Variants in WDR37 observed in about 807,000 individuals in gnomAD.
WDR37 encodes the protein WD repeat domain 37.
In WDR37, 19 loss-of-function variants were observed where a neutral mutation model predicts 62.9. The observed-to-expected ratio is 0.30, with a 90% CI of 0.21 to 0.44. The LOEUF (loss-of-function observed/expected upper bound fraction) is 0.44, where lower values mean the gene tolerates loss of function less well. Ranked by LOEUF, WDR37 falls within the 20% of genes least tolerant of loss-of-function variation. The pLI is 1.00. For synonymous variants in WDR37, 250 were observed against 260.9 expected (o/e 0.96, Z 0.40); for missense variants, 474 against 657.6 (o/e 0.72, Z 3.05).
chr10:1,105,156 C>T lies in WDR37; in HGVS notation c.992C>T (p.Thr331Ile). Residue 331 changes from threonine (T) to isoleucine (I), a missense_variant, in exon 11 of 14, where the codon ACA becomes ATA. Physicochemically the swap from Thr to Ile is moderately conservative, Grantham distance 89. Coordinates refer to ENST00000263150, the MANE Select transcript of WDR37 (RefSeq NM_014023.4). The surrounding 1 kb of genome is among the most constrained non-coding windows in gnomAD (Gnocchi z 5.3). ...GHDQELTHCC[T>I]HPTQRLVVTS... ...GACCAGGAGTTGACGCACTGCTGCACACACCCCACCCAGCGGCTCGTGGTG... is the reference window on the plus strand; with the variant it reads ...GACCAGGAGTTGACGCACTGCTGCATACACCCCACCCAGCGGCTCGTGGTG... The T allele has an allele frequency of 1.2e-6, 2 of 1,614,162 alleles. No homozygotes were observed. Among genetic ancestry groups the T allele is most frequent in the Non-Finnish European group, 1.7e-6 (2 of 1,180,026 alleles).
chr10:1,123,450 A>G (rs982734286), intron 11 of WDR37, among the ~76,000 whole-genome samples: 2 of 152,204 alleles, frequency 1.3e-5, no homozygotes, highest in African/African-American at 4.8e-5. Flanking sequence ...CCTCTGTTCT[A>G]CTTCCTGTTT....
At chr10:1,088,121 A>G (rs895582861) in intron 7 of WDR37, among the ~76,000 whole-genome samples, 2 of 152,142 alleles carry the variant, frequency 1.3e-5, no homozygotes, top group Non-Finnish European at 2.9e-5. Context: ...GGGAATTGAG[A>G]GTCAGGGCCC....
chr10:1,126,388 A>T (rs1257172620), intron 13 of WDR37, among the ~76,000 whole-genome samples: 2 of 147,150 alleles, frequency 1.4e-5, no homozygotes, highest in African/African-American at 2.6e-5. Flanking sequence ...CCTGGGCGAC[A>T]GAGCGAGACT....
chr10:1,123,609 A>C (rs1370984606), intron 11 of WDR37, among the ~76,000 whole-genome samples: 5 of 152,230 alleles, frequency 3.3e-5, no homozygotes, highest in Non-Finnish European at 2.9e-5. Context: ...GCTGATGGAC[A>C]TGTGGGTTGT....
chr10:1,105,033 G>A lies in WDR37; in HGVS notation c.962-93G>A. The A allele has an allele frequency of 6.7e-7, 1 of 1,499,902 alleles. No homozygotes were observed. The highest frequency in any genetic ancestry group is 9.0e-7 in the Non-Finnish European group (1 of 1,105,140). 92.9% of individuals were successfully genotyped at this position (1,499,902 alleles called of 1,614,324 possible). A position where few individuals can be genotyped will look rare whatever the true frequency, so the allele number is the denominator to read the frequency against. On this transcript the variant is annotated intron_variant, in intron 10 of 13. Transcript: ENST00000263150. This position sits in a 1 kb window ranked among gnomAD's most constrained non-coding sequence, Gnocchi z 5.3. ...ATTAGGTCAGGTTCACAGTCTCAGA[G>A]AGACGGCTTCTTGGGTTCTTGTGCT...
chr10:1,101,350 A>T (rs1041874692), intron 9 of WDR37, among the ~76,000 whole-genome samples: 1 of 152,136 alleles, frequency 6.6e-6, no homozygotes, highest in African/African-American at 2.4e-5. Flanking sequence ...TGGCTCATAG[A>T]TGGCGTCTTC....
chr10:1,096,885 G>A (rs989204532), intron 9 of WDR37, among the ~76,000 whole-genome samples: 9 of 152,186 alleles, frequency 5.9e-5, no homozygotes, highest in Non-Finnish European at 7.3e-5. Flanking sequence ...GGGAGAGCTG[G>A]AGAGAAAGCT....
intron 9 of WDR37, among the ~76,000 whole-genome samples, chr10:1,097,859 A>G (rs1022875258): frequency 6.6e-6 from 1 of 152,176 alleles, no homozygotes; most frequent in Non-Finnish European, 1.5e-5. Context: ...TTTTGGGAAC[A>G]TGTAACTTGT....
chr10:1,101,370 C>G (rs1463797632), intron 9 of WDR37, among the ~76,000 whole-genome samples: 1 of 152,220 alleles, frequency 6.6e-6, no homozygotes, highest in African/African-American at 2.4e-5. Context: ...CTCCTGGATC[C>G]TTCATCCCTC....
intron 1 of WDR37, among the ~76,000 whole-genome samples, chr10:1,058,860 C>A (rs966521204): frequency 1.3e-5 from 2 of 152,202 alleles, no homozygotes; most frequent in South Asian, 4.1e-4. Flanking sequence ...GGTGGAAATT[C>A]CATCACATTT....
chr10:1,107,120 G>A (rs1331782295), intron 11 of WDR37, among the ~76,000 whole-genome samples: 1 of 152,244 alleles, frequency 6.6e-6, no homozygotes, highest in Non-Finnish European at 1.5e-5. Flanking sequence ...CATGAGCTCC[G>A]CCACATGGGC....
chr10:1,118,825 C>G (rs1835484060), intron 11 of WDR37, among the ~76,000 whole-genome samples: 3 of 152,198 alleles, frequency 2.0e-5, no homozygotes, highest in African/African-American at 7.2e-5. Context: ...CCTGATGGCC[C>G]CGCAGCCTGG....
At chr10:1,066,906 A>T (rs1833571704) in intron 1 of WDR37, among the ~76,000 whole-genome samples, 1 of 152,188 alleles carries the variant, frequency 6.6e-6, no homozygotes, top group Non-Finnish European at 1.5e-5. Context: ...TTGTGCAGGA[A>T]AACTCCCCCT....
At position 1,078,017 on chromosome 10, in the gene WDR37, A is replaced by G. The variant is rs369250557; in HGVS notation, c.235+14A>G. ...AAAACTTAGAATGTGAGTATCTCCT[A>G]TTTTAATATACTTTTATAGCTTTAC... On this transcript the variant is annotated intron_variant, in intron 3 of 13. Coordinates refer to ENST00000263150, the MANE Select transcript of WDR37 (RefSeq NM_014023.4). 3.2e-6 allele frequency: 5 copies of G among 1,562,512 alleles called. No homozygotes were observed. Among genetic ancestry groups the G allele is most frequent in the South Asian group, 1.1e-5 (1 of 88,098 alleles).
intron 11 of WDR37, among the ~76,000 whole-genome samples, chr10:1,115,689 C>T (rs1433622465): frequency 5.3e-5 from 8 of 152,092 alleles, no homozygotes; most frequent in East Asian, 1.9e-4. Flanking sequence ...CTGGGAGGTG[C>T]GTGTTGGAAA....
At chr10:1,124,177 G>A in intron 11 of WDR37, 41 bp from the exon 12 acceptor site, 1 of 1,612,632 alleles carries the variant, frequency 6.2e-7, no homozygotes, top group Non-Finnish European at 8.5e-7. Context: ...GTCACGTCCT[G>A]CACCTGCTGT....
intron 1 of WDR37, among the ~76,000 whole-genome samples, chr10:1,063,441 T>C (rs1833434210): frequency 6.6e-6 from 1 of 152,032 alleles, no homozygotes; most frequent in Non-Finnish European, 1.5e-5. Context: ...TCCAGCTAAA[T>C]ATCACAGGAA....
Position 1,069,957 on chromosome 10 carries a change from G to A in WDR37, c.-40-2159G>A, listed in dbSNP as rs77446813. On this transcript the variant is annotated intron_variant, in intron 1 of 13. Transcript: ENST00000263150. The stretch of plus-strand genomic sequence containing the variant: ...ACAATAGCTCACATCTGTAATCCTA[G>A]CACTTTGGGAGGCTGAGGTGGGTGG... 5.8e-3 allele frequency among the ~76,000 whole-genome samples: 878 copies of A among 152,212 alleles called. 11 individuals are homozygous for A. Among genetic ancestry groups the A allele is most frequent in the African/African-American group, 0.02 (831 of 41,514 alleles).
chr10:1,096,270 A>G, intron 9 of WDR37, 24 bp downstream of exon 9: 1 of 1,609,324 alleles, frequency 6.2e-7, no homozygotes, highest in South Asian at 1.1e-5. Flanking sequence ...CTTACCTGTG[A>G]ATGTGTAGGA....
Sources: allele counts gnomAD v4.1 joint callset (sites outside exome capture counted in the v4.1 genomes callset), GRCh38; gene constraint gnomAD v4.1.1; non-coding constraint Gnocchi (gnomAD v3.1); transcripts MANE v1.5; gene names NCBI Gene and HGNC (gene_info 2026-07-23, HGNC 2026-07-21).